The following SLIT3 variants were observed in gnomAD, a reference collection of about 807,000 sequenced individuals.
SLIT3 encodes the protein slit guidance ligand 3, also known as slit homolog 3 protein.
In SLIT3, 68 loss-of-function variants were observed where a neutral mutation model predicts 184.0. That is an observed-to-expected ratio of 0.37 (90% CI 0.30 to 0.45). The LOEUF (loss-of-function observed/expected upper bound fraction) is 0.45, where lower values mean the gene tolerates loss of function less well. Ranked by LOEUF, SLIT3 falls within the 20% of genes least tolerant of loss-of-function variation. The probability of loss-of-function intolerance (pLI) is 1.00; values close to 1 mark genes in which losing one functional copy is unlikely to be tolerated. For missense variants in SLIT3, 1,707 were observed against 2,026.0 expected (o/e 0.84, Z 3.02); for synonymous variants, 831 against 828.6 (o/e 1.00, Z -0.05).
intron 4 of SLIT3, among the ~76,000 whole-genome samples, chr5:168,963,139 TAA>T (rs1453781477): frequency 6.6e-6 from 1 of 152,218 alleles, no homozygotes; most frequent in East Asian, 1.9e-4. Flanking sequence ...TTTTTGTAAA[TAA>T]AGTTTTACTG....
At chr5:169,116,518 A>G (rs1353366255) in intron 4 of SLIT3, among the ~76,000 whole-genome samples, 1 of 152,182 alleles carries the variant, frequency 6.6e-6, no homozygotes, top group African/African-American at 2.4e-5. Context: ...AAACCCAGAA[A>G]CCCAAAGACA....
At chr5:169,056,392 T>C (rs1386532665) in intron 4 of SLIT3, among the ~76,000 whole-genome samples, 1 of 152,178 alleles carries the variant, frequency 6.6e-6, no homozygotes, top group Non-Finnish European at 1.5e-5. Flanking sequence ...ATTAAATATA[T>C]ATGTTTACGC....
chr5:169,002,452 A>C (rs530612739), intron 4 of SLIT3, among the ~76,000 whole-genome samples: 53 of 151,448 alleles, frequency 3.5e-4, no homozygotes, highest in African/African-American at 1.1e-3. Context: ...GGAAGTGAAG[A>C]GTTTCAGAAC....
intron 1 of SLIT3, among the ~76,000 whole-genome samples, chr5:169,267,914 G>C (rs578041395): frequency 3.3e-5 from 5 of 152,304 alleles, no homozygotes; most frequent in African/African-American, 1.2e-4. Flanking sequence ...AGTCCAACCA[G>C]TCACAGAGCA....
chr5:169,184,672 T>C (rs921587057), intron 4 of SLIT3, among the ~76,000 whole-genome samples: 1 of 152,226 alleles, frequency 6.6e-6, no homozygotes. Flanking sequence ...CTGTGTGGCC[T>C]GGGATGCAGC....
intron 14 of SLIT3, among the ~76,000 whole-genome samples, chr5:168,769,700 C>T (rs906207597): frequency 6.6e-6 from 1 of 152,172 alleles, no homozygotes; most frequent in African/African-American, 2.4e-5. Context: ...CCATCCTGTT[C>T]GTGCAAACCG....
chr5:168,749,781 G>A (rs1754636157), intron 18 of SLIT3, 146 bp from the exon 19 acceptor site: 2 of 789,322 alleles, frequency 2.5e-6, no homozygotes, highest in Non-Finnish European at 4.0e-6. Context: ...CAGTCTCTGT[G>A]AGGGTCTCAT....
chr5:169,112,217 G>C (rs970834204), intron 4 of SLIT3, among the ~76,000 whole-genome samples: 1 of 152,176 alleles, frequency 6.6e-6, no homozygotes, highest in Admixed American at 6.5e-5. Flanking sequence ...CCTTTGTTCT[G>C]ACACAGCACA....
intron 4 of SLIT3, among the ~76,000 whole-genome samples, chr5:169,122,489 C>A (rs1019674206): frequency 6.6e-6 from 1 of 152,264 alleles, no homozygotes; most frequent in South Asian, 2.1e-4. Context: ...CCCTGGGAGC[C>A]ATTTGGTTCC....
rs1754799366 is a variant in SLIT3, at chr5:168,753,793, GTCTGTC to G, written c.1829+65_1829+70del. ...TGCCTGGGTCCCACTTGCCTTCGTA[GTCTGTC>G]TCTAATTCCCCTGCCCTCCCGTCTC... On this transcript the variant is annotated intron_variant, in intron 17 of 35. Coordinates refer to ENST00000519560, the MANE Select transcript of SLIT3 (RefSeq NM_003062.4). 3.7e-5 allele frequency: 57 copies of G among 1,549,124 alleles called. 1 individual carries two copies. In the Admixed American group the frequency reaches 9.1e-4, roughly 25 times the overall value.
At chr5:169,045,996 TATTGAATTAATG>T (rs1404271650) in intron 4 of SLIT3, among the ~76,000 whole-genome samples, 1 of 152,176 alleles carries the variant, frequency 6.6e-6, no homozygotes, top group Non-Finnish European at 1.5e-5. Flanking sequence ...ACTACGGACA[TATTGAATTAATG>T]ATTGAATTTA....
At chr5:168,911,243 A>G (rs967992334) in intron 4 of SLIT3, among the ~76,000 whole-genome samples, 2 of 152,082 alleles carry the variant, frequency 1.3e-5, no homozygotes, top group Non-Finnish European at 2.9e-5. Flanking sequence ...TGTATGTTAA[A>G]CTCCCGTGCA....
At chr5:168,919,162 A>T (rs1295703252) in intron 4 of SLIT3, among the ~76,000 whole-genome samples, 1 of 151,386 alleles carries the variant, frequency 6.6e-6, no homozygotes, top group Non-Finnish European at 1.5e-5. Context: ...CGAGAGGCTG[A>T]GGCAAGAGAA....
Position 168,922,513 on chromosome 5 carries a change from G to T in SLIT3, c.414-39177C>A, listed in dbSNP as rs114896031. On this transcript the variant is annotated intron_variant, in intron 4 of 35. Transcript: ENST00000519560. ...TGGGAACCATAGCAAGTAAAAATCC[G>T]TAGAGGTGGGAACGTGCATGATGCA... 7.2e-4 allele frequency among the ~76,000 whole-genome samples: 108 copies of T among 150,424 alleles called. 1 individual carries two copies. The Middle Eastern group carries it at 0.021, about 29-fold the overall frequency.
rs143706069 is a variant in SLIT3, at chr5:169,033,771, T to G, written c.414-150435A>C. Reference sequence around the variant, plus strand: ...AATGCCTATTCAGGTCTTTTGCCCATTTTTAAATTGGGTTATGTGGTTTTT... The same window carrying G: ...AATGCCTATTCAGGTCTTTTGCCCAGTTTTAAATTGGGTTATGTGGTTTTT... On this transcript the variant is annotated intron_variant, in intron 4 of 35. Coordinates refer to ENST00000519560, the MANE Select transcript of SLIT3 (RefSeq NM_003062.4). 3.0e-4 allele frequency among the ~76,000 whole-genome samples: 45 copies of G among 152,136 alleles called. 2 individuals are homozygous for G. The highest frequency in any genetic ancestry group is 1.1e-3 in the African/African-American group (44 of 41,534).
At chr5:169,110,727 G>A (rs1383436043) in intron 4 of SLIT3, among the ~76,000 whole-genome samples, 1 of 152,134 alleles carries the variant, frequency 6.6e-6, no homozygotes, top group Admixed American at 6.6e-5. Context: ...CATAACACCG[G>A]GCTACGTTAT....
At chr5:169,144,670 A>G (rs1362834790) in intron 4 of SLIT3, among the ~76,000 whole-genome samples, 4 of 152,190 alleles carry the variant, frequency 2.6e-5, no homozygotes, top group Admixed American at 2.0e-4. Context: ...AGCCATGTCC[A>G]CCACCCAAGG....
intron 2 of SLIT3, among the ~76,000 whole-genome samples, chr5:169,250,953 G>A (rs1765754097): frequency 6.6e-6 from 1 of 152,172 alleles, no homozygotes; most frequent in African/African-American, 2.4e-5. Flanking sequence ...TTCAGCAAGG[G>A]CCCTGACCCT....
At chr5:168,796,022 T>C (rs911299733) in intron 9 of SLIT3, among the ~76,000 whole-genome samples, 10 of 152,232 alleles carry the variant, frequency 6.6e-5, no homozygotes, top group African/African-American at 2.4e-4. Flanking sequence ...TCAGCCACAC[T>C]GCTAATGGGG....
Sources: gnomAD v4.1 joint callset for allele counts (sites outside exome capture counted in the v4.1 genomes callset) on GRCh38, gnomAD v4.1.1 for gene constraint, MANE v1.5 for transcripts, NCBI Gene and HGNC (gene_info 2026-07-23, HGNC 2026-07-21) for gene names.